CPEB4: variants seen among roughly 807,000 people sequenced by gnomAD.
CPEB4 encodes cytoplasmic polyadenylation element binding protein 4.
Under a neutral mutation model 72.5 loss-of-function variants are expected in CPEB4, and 12 were observed. That is an observed-to-expected ratio of 0.17 (90% CI 0.11 to 0.27). CPEB4 has a LOEUF of 0.27. CPEB4 is among the 10% of genes least tolerant of loss of function. The pLI, the probability that CPEB4 is intolerant of heterozygous loss-of-function variation, is 1.00. For missense variants in CPEB4, 614 were observed against 908.5 expected, an observed-to-expected ratio of 0.68 and a Z score of 4.17; for synonymous variants, 302 against 326.3, an observed-to-expected ratio of 0.93 and a Z score of 0.80.
rs1018227188 is a variant in CPEB4 at position 173,942,408 on chromosome 5, GC to G, written c.1259-614del. ...GTGGATTATTAATTACCTTTACTTT[GC>G]CCCTTGGCTACAACCTACTTGGCAA... On this transcript the variant is annotated intron_variant, in intron 3 of 9. Transcript: ENST00000265085. Among the ~76,000 whole-genome samples, 12 of 152,274 alleles carry G rather than the reference GC, an allele frequency of 7.9e-5. No homozygotes were observed. The East Asian group carries it at 1.7e-3, about 22-fold the overall frequency.
chr5:173,941,762 C>G (rs1181408554), intron 3 of CPEB4, among the ~76,000 whole-genome samples: 2 of 152,094 alleles, frequency 1.3e-5, no homozygotes, highest in African/African-American at 4.8e-5. Flanking sequence ...CCTGTGGTAC[C>G]AGGTACTGGG....
intron 2 of CPEB4, among the ~76,000 whole-genome samples, chr5:173,913,599 A>G (rs1756759385): frequency 6.6e-6 from 1 of 152,200 alleles, no homozygotes; most frequent in African/African-American, 2.4e-5. Context: ...TGCTCAACGG[A>G]TAATTGTTTA....
chr5:173,908,492 A>G (rs1239704979), intron 1 of CPEB4, among the ~76,000 whole-genome samples: 2 of 152,144 alleles, frequency 1.3e-5, no homozygotes, highest in East Asian at 3.9e-4. Context: ...ATTCTACCTA[A>G]ATATACTGTC....
chr5:173,936,139 A>G (rs1291194554), intron 3 of CPEB4, among the ~76,000 whole-genome samples: 1 of 152,176 alleles, frequency 6.6e-6, no homozygotes, highest in Non-Finnish European at 1.5e-5. Context: ...ATCTAAAGCT[A>G]CTTTTTGGGT....
At position 173,950,199 on chromosome 5, in the gene CPEB4, C is replaced by CTAAGTA. The variant is rs1758168505; in HGVS notation, c.1665+122_1665+127dup. 2 of 580,344 alleles carry CTAAGTA rather than the reference C, an allele frequency of 3.4e-6. No homozygotes were observed. The highest frequency in any genetic ancestry group is 3.0e-5 in the Admixed American group (1 of 33,600). The allele number at this position is 580,344 out of a possible 1,614,324, so 35.9% of individuals were successfully genotyped here. A position where few individuals can be genotyped will look rare whatever the true frequency, so the allele number is the denominator to read the frequency against. On this transcript the variant is annotated intron_variant, in intron 7 of 9. Coordinates refer to ENST00000265085, the MANE Select transcript of CPEB4 (RefSeq NM_030627.4). The surrounding 1 kb of genome is among the most constrained non-coding windows in gnomAD (Gnocchi z 5.0). ...CTTAATTGACATGTTTGTAAGCAGA[C>CTAAGTA]TAAGTAGTCTTGTTGTGAAGTTCTT...
intron 2 of CPEB4, 72 bp from the exon 3 acceptor site, chr5:173,932,378 G>C: frequency 8.7e-7 from 1 of 1,151,920 alleles, no homozygotes; most frequent in Non-Finnish European, 1.3e-6. Flanking sequence ...AGTCAATTCA[G>C]CTCTGTTATT....
intron 3 of CPEB4, among the ~76,000 whole-genome samples, chr5:173,933,405 T>C (rs1476416763): frequency 6.6e-6 from 1 of 152,208 alleles, no homozygotes; most frequent in East Asian, 1.9e-4. Context: ...GAAATCAATA[T>C]GTTGAAGGAT....
At chr5:173,934,235 A>G (rs1366568677) in intron 3 of CPEB4, among the ~76,000 whole-genome samples, 1 of 152,256 alleles carries the variant, frequency 6.6e-6, no homozygotes, top group East Asian at 1.9e-4. Flanking sequence ...TTTTTTCTTC[A>G]TTACTATCCT....
chr5:173,894,222 T>C (rs1755920173), intron 1 of CPEB4, among the ~76,000 whole-genome samples: 1 of 151,956 alleles, frequency 6.6e-6, no homozygotes, highest in Non-Finnish European at 1.5e-5. Flanking sequence ...TTCAAACTCC[T>C]GGGCTCAAAT....
chr5:173,915,149 C>G (rs747314674), intron 2 of CPEB4, among the ~76,000 whole-genome samples: 2 of 152,130 alleles, frequency 1.3e-5, no homozygotes, highest in Non-Finnish European at 1.5e-5. Flanking sequence ...TTACTATCAA[C>G]AAAATGCTTA....
intron 6 of CPEB4, 36 bp from the exon 7 acceptor site, chr5:173,949,924 G>A (rs1561632396): frequency 7.0e-7 from 1 of 1,418,594 alleles, no homozygotes; most frequent in South Asian, 1.2e-5. Flanking sequence ...CAAAAAATAG[G>A]AAAACATGTA....
At chr5:173,937,733 T>C (rs891282151) in intron 3 of CPEB4, among the ~76,000 whole-genome samples, 3 of 152,192 alleles carry the variant, frequency 2.0e-5, no homozygotes, top group African/African-American at 7.2e-5. Flanking sequence ...CATTATTCTC[T>C]CATTTGCTTC....
intron 2 of CPEB4, among the ~76,000 whole-genome samples, chr5:173,928,831 ATATTT>A (rs1260671519): frequency 6.6e-6 from 1 of 152,234 alleles, no homozygotes; most frequent in Non-Finnish European, 1.5e-5. Context: ...AACTCTTTAG[ATATTT>A]TAGTTGTGGA....
chr5:173,888,744 C>T lies in CPEB4; in HGVS notation c.-990C>T. Reference sequence around the variant, plus strand: ...CGAACTGAGGGAACTGAACAAACCGCCCCTGGGTCCCATGAGGGAAAAAAA... The same window carrying T: ...CGAACTGAGGGAACTGAACAAACCGTCCCTGGGTCCCATGAGGGAAAAAAA... On this transcript the variant is annotated 5_prime_UTR_variant, in exon 1 of 10. Coordinates refer to ENST00000265085, the MANE Select transcript of CPEB4 (RefSeq NM_030627.4). This position sits in a 1 kb window ranked among gnomAD's most constrained non-coding sequence, Gnocchi z 4.3. The T allele has an allele frequency of 2.6e-6, 1 of 385,540 alleles. No homozygotes were observed. The highest frequency in any genetic ancestry group is 4.6e-6 in the Non-Finnish European group (1 of 218,042). The allele number at this position is 385,540 out of a possible 1,614,324, so 23.9% of individuals were successfully genotyped here. A position where few individuals can be genotyped will look rare whatever the true frequency, so the allele number is the denominator to read the frequency against.
At position 173,955,239 on chromosome 5, in the gene CPEB4, C is replaced by T. The variant is rs1758340884; in HGVS notation, c.1963-671C>T. Among the ~76,000 whole-genome samples, 1 of 152,156 alleles carries T rather than the reference C, an allele frequency of 6.6e-6. No individual in the cohort carries two copies. The highest frequency in any genetic ancestry group is 1.9e-4 in the East Asian group (1 of 5,196). ...GGCCGATAGAACGCTGGAACAGGCCCAGTTTTAGAAATTCACCTCTGACTT... is the reference window on the plus strand; with the variant it reads ...GGCCGATAGAACGCTGGAACAGGCCTAGTTTTAGAAATTCACCTCTGACTT... On this transcript the variant is annotated intron_variant, in intron 9 of 9. Coordinates refer to ENST00000265085, the MANE Select transcript of CPEB4 (RefSeq NM_030627.4). The surrounding 1 kb of genome is among the most constrained non-coding windows in gnomAD (Gnocchi z 4.7).
chr5:173,919,799 T>C (rs1420132991), intron 2 of CPEB4, among the ~76,000 whole-genome samples: 1 of 152,198 alleles, frequency 6.6e-6, no homozygotes, highest in East Asian at 1.9e-4. Context: ...TGCCACAGAA[T>C]TATTACTTCC....
chr5:173,923,409 A>T (rs1414221520), intron 2 of CPEB4, among the ~76,000 whole-genome samples: 2 of 152,186 alleles, frequency 1.3e-5, no homozygotes, highest in Admixed American at 6.5e-5. Flanking sequence ...TCAATCATTT[A>T]CACTGACTTA....
At chr5:173,891,762 T>C (rs1217089999) in intron 1 of CPEB4, among the ~76,000 whole-genome samples, 1 of 152,184 alleles carries the variant, frequency 6.6e-6, no homozygotes, top group Non-Finnish European at 1.5e-5. Flanking sequence ...CGTCAGATGC[T>C]CCACTAAATG....
At chr5:173,932,407 TA>T (rs1561623226) in intron 2 of CPEB4, 42 bp from the exon 3 acceptor site, 1 of 1,520,200 alleles carries the variant, frequency 6.6e-7, no homozygotes. Flanking sequence ...TTAAACCATC[TA>T]TGAAAAAAGT....
Sources: gnomAD v4.1 joint callset for allele counts (sites outside exome capture counted in the v4.1 genomes callset) on GRCh38, gnomAD v4.1.1 for gene constraint, Gnocchi (gnomAD v3.1) non-coding constraint, MANE v1.5 for transcripts, NCBI Gene and HGNC (gene_info 2026-07-23, HGNC 2026-07-21) for gene names.